Variants in NCKAP5 observed in about 807,000 individuals in gnomAD.
The protein encoded by NCKAP5 is NCK associated protein 5.
A neutral mutation model predicts 167.0 loss-of-function variants in NCKAP5; 92 were observed. The observed-to-expected ratio is 0.55, with a 90% CI of 0.47 to 0.66. The LOEUF (loss-of-function observed/expected upper bound fraction) is 0.66. NCKAP5 is among the 30% of genes least tolerant of loss of function. NCKAP5 has a pLI of 0.00. For synonymous variants in NCKAP5, 891 were observed against 877.4 expected, an observed-to-expected ratio of 1.02 and a Z score of -0.27; for missense variants, 2,378 against 2,315.0, an observed-to-expected ratio of 1.03 and a Z score of -0.56.
At position 133,320,880 on chromosome 2, in the gene NCKAP5, G is replaced by A. The variant is rs577336362; in HGVS notation, c.70-17770C>T. Reference sequence around the variant, plus strand: ...AGTCCTGAGCAAACCAGGTGAGTTGGTCACTCTACCACAATCACACGTTTC... The same window carrying A: ...AGTCCTGAGCAAACCAGGTGAGTTGATCACTCTACCACAATCACACGTTTC... On this transcript the variant is annotated intron_variant, in intron 3 of 19. Coordinates refer to ENST00000409261, the MANE Select transcript of NCKAP5 (RefSeq NM_207363.3). Among the ~76,000 whole-genome samples, 46 of 152,302 alleles carry A rather than the reference G, an allele frequency of 3.0e-4. 1 individual carries two copies. Among genetic ancestry groups the A allele is most frequent in the Non-Finnish European group, 5.1e-4 (35 of 68,030 alleles).
chr2:132,700,512 G>T (rs1403388191), intron 19 of NCKAP5, among the ~76,000 whole-genome samples: 2 of 152,160 alleles, frequency 1.3e-5, no homozygotes, highest in Non-Finnish European at 1.5e-5. Context: ...TAAGGTGTAA[G>T]GAAGGGATCC....
At chr2:133,540,130 G>A (rs992758972) in intron 2 of NCKAP5, among the ~76,000 whole-genome samples, 22 of 151,574 alleles carry the variant, frequency 1.5e-4, no homozygotes, top group African/African-American at 3.9e-4. Context: ...GCAGTGAGCC[G>A]AGATCACACC....
chr2:132,834,949 T>C (rs1687783635), intron 11 of NCKAP5, among the ~76,000 whole-genome samples: 1 of 152,200 alleles, frequency 6.6e-6, no homozygotes, highest in Non-Finnish European at 1.5e-5. Flanking sequence ...TGGCTGTGTG[T>C]TTGTTGTATA....
intron 3 of NCKAP5, among the ~76,000 whole-genome samples, chr2:133,432,192 T>A (rs1031000444): frequency 1.1e-4 from 17 of 149,288 alleles, no homozygotes; most frequent in African/African-American, 3.9e-4. Flanking sequence ...GCAGGACTCA[T>A]ACTACCAAAT....
At chr2:133,369,183 C>T (rs908805560) in intron 3 of NCKAP5, among the ~76,000 whole-genome samples, 4 of 152,116 alleles carry the variant, frequency 2.6e-5, no homozygotes, top group Admixed American at 1.3e-4. Flanking sequence ...ACGGGTGGGA[C>T]AAAGGCACTT....
At chr2:132,757,752 C>G (rs1300884748) in intron 16 of NCKAP5, among the ~76,000 whole-genome samples, 1 of 152,156 alleles carries the variant, frequency 6.6e-6, no homozygotes, top group Admixed American at 6.5e-5. Flanking sequence ...ATGTTGTTTT[C>G]CAGGATGGCA....
chr2:133,021,556 A>T (rs1192106235), intron 6 of NCKAP5, among the ~76,000 whole-genome samples: 1 of 152,282 alleles, frequency 6.6e-6, no homozygotes, highest in Non-Finnish European at 1.5e-5. Context: ...GTAAGTGTGT[A>T]TACACAGGCA....
At chr2:133,530,288 T>C (rs78157901) in intron 2 of NCKAP5, among the ~76,000 whole-genome samples, 3,230 of 152,246 alleles carry the variant, frequency 0.021, 126 homozygotes, top group African/African-American at 0.074. Flanking sequence ...TCTATGCACC[T>C]GTCCTTGTGC....
At chr2:133,626,227 C>A in the NCKAP5 span, among the ~76,000 whole-genome samples, 1 of 152,136 alleles carries the variant, frequency 6.6e-6, no homozygotes, top group African/African-American at 2.4e-5. Context: ...CAAAGAAAGA[C>A]ATCCTGATGA....
intron 4 of NCKAP5, among the ~76,000 whole-genome samples, chr2:133,288,570 C>CTT (rs370426619): frequency 1.4e-5 from 2 of 145,556 alleles, no homozygotes; most frequent in Non-Finnish European, 3.0e-5. Flanking sequence ...GTACAATTAA[C>CTT]TTTTTTTTTT....
chr2:133,306,596 TA>T (rs1338951043), intron 3 of NCKAP5, among the ~76,000 whole-genome samples: 3 of 152,096 alleles, frequency 2.0e-5, no homozygotes, highest in African/African-American at 7.2e-5. Flanking sequence ...GCAGCCAAGA[TA>T]ATAAAATGAC....
chr2:133,393,760 C>G (rs1574869959), intron 3 of NCKAP5, among the ~76,000 whole-genome samples: 1 of 152,186 alleles, frequency 6.6e-6, no homozygotes, highest in Non-Finnish European at 1.5e-5. Flanking sequence ...CTTTTGTTCT[C>G]TAAGTCATGT....
intron 11 of NCKAP5, among the ~76,000 whole-genome samples, chr2:132,818,346 C>A (rs1055374138): frequency 6.6e-6 from 1 of 152,188 alleles, no homozygotes; most frequent in Non-Finnish European, 1.5e-5. Context: ...ATGGATAATG[C>A]AGATTCTCAG....
At chr2:133,387,169 T>C (rs1319640396) in intron 3 of NCKAP5, among the ~76,000 whole-genome samples, 1 of 152,242 alleles carries the variant, frequency 6.6e-6, no homozygotes, top group Non-Finnish European at 1.5e-5. Flanking sequence ...GGCATGTTTT[T>C]GCAGTGGCTG....
chr2:132,855,229 C>T (rs548488063), intron 11 of NCKAP5, among the ~76,000 whole-genome samples: 7 of 152,278 alleles, frequency 4.6e-5, no homozygotes, highest in Non-Finnish European at 1.0e-4. Flanking sequence ...CTTTCCAGTG[C>T]TTAGTGCATG....
chr2:133,529,542 G>A (rs910962763), intron 2 of NCKAP5, among the ~76,000 whole-genome samples: 15 of 152,158 alleles, frequency 9.9e-5, no homozygotes, highest in African/African-American at 3.1e-4. Context: ...GCAAGTCTAT[G>A]TATCTGTTGT....
intron 9 of NCKAP5, among the ~76,000 whole-genome samples, chr2:132,876,239 T>C (rs1651557336): frequency 6.6e-6 from 1 of 152,076 alleles, no homozygotes; most frequent in Non-Finnish European, 1.5e-5. Context: ...TACCTGCCAC[T>C]ACATTCGCCT....
intron 5 of NCKAP5, among the ~76,000 whole-genome samples, chr2:133,170,849 A>C (rs2084218394): frequency 1.3e-5 from 2 of 152,130 alleles, no homozygotes; most frequent in African/African-American, 2.4e-5. Context: ...CATAGCCTAC[A>C]TGCAGATCTA....
chr2:133,262,931 T>C (rs2088989690), intron 4 of NCKAP5, among the ~76,000 whole-genome samples: 1 of 152,160 alleles, frequency 6.6e-6, no homozygotes, highest in Non-Finnish European at 1.5e-5. Context: ...CCGGATGATG[T>C]TAGCCATCAG....
Sources: allele counts gnomAD v4.1 joint callset (sites outside exome capture counted in the v4.1 genomes callset), GRCh38; gene constraint gnomAD v4.1.1; transcripts MANE v1.5; gene names NCBI Gene and HGNC (gene_info 2026-07-23, HGNC 2026-07-21).